The following KLHL29 variants were observed in gnomAD, a reference collection of about 807,000 sequenced individuals.
KLHL29 encodes the protein kelch-like protein 29.
In KLHL29, 21 loss-of-function variants were observed where a neutral mutation model predicts 80.4. The ratio of observed to expected loss-of-function variants is 0.26; its 90% CI spans 0.19 to 0.38. The LOEUF (loss-of-function observed/expected upper bound fraction) is 0.38. Among genes scored for constraint, KLHL29 ranks in the 10% least tolerant of loss-of-function variants. The pLI is 1.00. For missense variants in KLHL29, 867 were observed against 1,223.9 expected (o/e 0.71, Z 4.35); for synonymous variants, 511 against 526.8 (o/e 0.97, Z 0.41).
At chr2:23,572,539 A>G (rs1003076036) in intron 3 of KLHL29, among the ~76,000 whole-genome samples, 3 of 152,202 alleles carry the variant, frequency 2.0e-5, no homozygotes, top group African/African-American at 7.2e-5. Context: ...GAGGCTCTCA[A>G]TATGTGTTTG....
Position 23,463,833 on chromosome 2 carries a change from A to C in KLHL29, c.-153-11727A>C, listed in dbSNP as rs993964675. 4.6e-5 allele frequency among the ~76,000 whole-genome samples: 7 copies of C among 152,370 alleles called. No homozygotes were observed. In the East Asian group the frequency reaches 1.3e-3, roughly 29 times the overall value. On this transcript the variant is annotated intron_variant, in intron 1 of 13. Transcript: ENST00000486442. ...GAGTAATATAATCAGAAATGATTAT[A>C]TTTCAGCACTTCAGCACTATTGCTA...
chr2:23,510,984 A>G (rs995220758), intron 2 of KLHL29, among the ~76,000 whole-genome samples: 7 of 152,202 alleles, frequency 4.6e-5, no homozygotes, highest in Non-Finnish European at 8.8e-5. Flanking sequence ...TGGATGCTGT[A>G]TTAGTTTGCT....
At chr2:23,501,153 A>T (rs1311984067) in intron 2 of KLHL29, among the ~76,000 whole-genome samples, 1 of 152,068 alleles carries the variant, frequency 6.6e-6, no homozygotes, top group Non-Finnish European at 1.5e-5. Flanking sequence ...AGGGTGGCTG[A>T]TGGCCCGGAC....
At position 23,706,473 on chromosome 2, in the gene KLHL29, C is replaced by T; in HGVS notation, c.2445-8C>T. Reference sequence around the variant, plus strand: ...ATGCCTAACTCTGTCCCCGCTTTCCCCCAACAGTGCTGTGGTGCTTGATGG... The same window carrying T: ...ATGCCTAACTCTGTCCCCGCTTTCCTCCAACAGTGCTGTGGTGCTTGATGG... On this transcript the variant is annotated splice_polypyrimidine_tract_variant and splice_region_variant and intron_variant, in intron 13 of 13. Coordinates refer to ENST00000486442, the MANE Select transcript of KLHL29 (RefSeq NM_052920.2). 6.8e-7 allele frequency: 1 copy of T among 1,479,412 alleles called. No homozygotes were observed. The highest frequency in any genetic ancestry group is 9.0e-7 in the Non-Finnish European group (1 of 1,117,102). 91.6% of individuals were successfully genotyped at this position (1,479,412 alleles called of 1,614,324 possible).
chr2:23,693,438 C>T lies in KLHL29; in HGVS notation c.1452C>T (p.Val484=). Residue 484 remains valine, a synonymous_variant, in exon 8 of 14, where the codon GTC becomes GTT. Transcript: ENST00000486442. ...SISKDDFIAY[V]SNDSLNTKAE... ...CCAAGGACGACTTCATCGCCTACGT[C>T]TCCAACGACAGCCTCAACACCAAGG... 1.3e-6 allele frequency: 2 copies of T among 1,551,740 alleles called. No individual in the cohort carries two copies. Among genetic ancestry groups the T allele is most frequent in the Non-Finnish European group, 1.7e-6 (2 of 1,146,978 alleles).
intron 1 of KLHL29, among the ~76,000 whole-genome samples, chr2:23,402,335 G>A (rs1666615760): frequency 1.3e-5 from 2 of 152,188 alleles, no homozygotes. Flanking sequence ...TTCCTTCACC[G>A]GGGTGTGAAA....
At chr2:23,670,770 C>A (rs1670693874) in intron 5 of KLHL29, among the ~76,000 whole-genome samples, 1 of 151,816 alleles carries the variant, frequency 6.6e-6, no homozygotes, top group South Asian at 2.1e-4. Flanking sequence ...AGACATGTTG[C>A]CCTAAACTGA....
At chr2:23,595,528 C>T (rs1163535582) in intron 3 of KLHL29, among the ~76,000 whole-genome samples, 2 of 152,348 alleles carry the variant, frequency 1.3e-5, no homozygotes, top group Non-Finnish European at 2.9e-5. Context: ...GGGCTGGACA[C>T]TGGCAGAGGT....
chr2:23,495,187 T>C (rs1305732749), intron 2 of KLHL29, among the ~76,000 whole-genome samples: 2 of 152,174 alleles, frequency 1.3e-5, no homozygotes, highest in Non-Finnish European at 2.9e-5. Flanking sequence ...TGTACCTGGC[T>C]GGAAACCCCA....
chr2:23,498,631 G>A (rs1232012202), intron 2 of KLHL29, among the ~76,000 whole-genome samples: 2 of 152,210 alleles, frequency 1.3e-5, no homozygotes, highest in African/African-American at 2.4e-5. Flanking sequence ...TAGGAAGGTC[G>A]GGGCTTCCTT....
At chr2:23,607,668 C>T (rs77246136) in intron 3 of KLHL29, among the ~76,000 whole-genome samples, 26,677 of 152,112 alleles carry the variant, frequency 0.18, 3,043 homozygotes, top group Admixed American at 0.3. Context: ...GCTCCATCTC[C>T]TGTCAGATCA....
intron 5 of KLHL29, among the ~76,000 whole-genome samples, chr2:23,652,361 T>C (rs1459639837): frequency 6.6e-6 from 1 of 152,220 alleles, no homozygotes; most frequent in African/African-American, 2.4e-5. Context: ...CTAGACAGTT[T>C]GTCCTGTTAA....
At chr2:23,651,420 G>C (rs1338585471) in intron 5 of KLHL29, among the ~76,000 whole-genome samples, 1 of 151,742 alleles carries the variant, frequency 6.6e-6, no homozygotes, top group Non-Finnish European at 1.5e-5. Context: ...CGGTGTCATT[G>C]CTTAATGCCT....
chr2:23,495,545 C>T (rs369510334), intron 2 of KLHL29, among the ~76,000 whole-genome samples: 262 of 152,270 alleles, frequency 1.7e-3, no homozygotes, highest in Middle Eastern at 3.4e-3. Flanking sequence ...AACAGTCAAC[C>T]CTGCCATGTC....
At chr2:23,634,565 G>C (rs987179772) in intron 3 of KLHL29, among the ~76,000 whole-genome samples, 4 of 152,080 alleles carry the variant, frequency 2.6e-5, no homozygotes, top group Non-Finnish European at 4.4e-5. Flanking sequence ...GTTTCTCCAG[G>C]AGACTCCCCC....
At chr2:23,391,876 G>A (rs1412046434) in intron 1 of KLHL29, among the ~76,000 whole-genome samples, 1 of 152,230 alleles carries the variant, frequency 6.6e-6, no homozygotes, top group Non-Finnish European at 1.5e-5. Context: ...TTCTGTGTAT[G>A]CATTTCCTCC....
intron 3 of KLHL29, among the ~76,000 whole-genome samples, chr2:23,637,198 CCT>C (rs1669635622): frequency 6.6e-6 from 1 of 152,202 alleles, no homozygotes; most frequent in East Asian, 1.9e-4. Context: ...CCCTCAGATG[CCT>C]CTGATTCCGA....
chr2:23,522,280 G>C (rs1666128914), intron 2 of KLHL29, among the ~76,000 whole-genome samples: 1 of 152,100 alleles, frequency 6.6e-6, no homozygotes, highest in Non-Finnish European at 1.5e-5. Flanking sequence ...TCTCTGAGTA[G>C]TTGGGACTAT....
At chr2:23,567,690 C>T (rs1177518968) in intron 3 of KLHL29, among the ~76,000 whole-genome samples, 1 of 152,182 alleles carries the variant, frequency 6.6e-6, no homozygotes, top group Non-Finnish European at 1.5e-5. Flanking sequence ...CTTCTGGGGC[C>T]CATGAATGGA....
Sources: allele counts gnomAD v4.1 joint callset (sites outside exome capture counted in the v4.1 genomes callset), GRCh38; gene constraint gnomAD v4.1.1; transcripts MANE v1.5; gene names NCBI Gene and HGNC (gene_info 2026-07-23, HGNC 2026-07-21).